Variants in INPP4B observed in about 807,000 individuals in gnomAD.
INPP4B encodes the protein inositol polyphosphate 4-phosphatase type II.
In INPP4B, 55 loss-of-function variants were observed where a neutral mutation model predicts 122.5. The ratio of observed to expected loss-of-function variants is 0.45; its 90% CI spans 0.36 to 0.56. The LOEUF is 0.56. Ranked by LOEUF, INPP4B falls within the 20% of genes least tolerant of loss-of-function variation. The pLI is 0.00. For synonymous variants in INPP4B, 403 were observed against 388.7 expected, an observed-to-expected ratio of 1.04 and a Z score of -0.43; for missense variants, 1,000 against 1,097.7, an observed-to-expected ratio of 0.91 and a Z score of 1.26.
chr4:142,391,838 T>C (rs145915603), intron 7 of INPP4B, among the ~76,000 whole-genome samples: 30 of 152,334 alleles, frequency 2.0e-4, no homozygotes, highest in Non-Finnish European at 3.8e-4. Context: ...TTCAGGTACA[T>C]TTGGTTGCCT....
chr4:142,245,819 T>C (rs1044778859), intron 11 of INPP4B, among the ~76,000 whole-genome samples: 1 of 127,754 alleles, frequency 7.8e-6, no homozygotes, highest in African/African-American at 3.0e-5. Context: ...TATGTATACA[T>C]ATATGTGTAT....
chr4:142,758,998 A>G (rs1770910909), intron 1 of INPP4B, among the ~76,000 whole-genome samples: 1 of 152,014 alleles, frequency 6.6e-6, no homozygotes, highest in Non-Finnish European at 1.5e-5. Flanking sequence ...TTCACTGTGT[A>G]GATAACAACT....
At chr4:142,575,688 A>G (rs1003461962) in intron 2 of INPP4B, among the ~76,000 whole-genome samples, 5 of 152,044 alleles carry the variant, frequency 3.3e-5, no homozygotes, top group African/African-American at 1.2e-4. Context: ...CTCAATAAAT[A>G]TTACTATTAT....
intron 7 of INPP4B, among the ~76,000 whole-genome samples, chr4:142,353,526 G>A (rs1460275140): frequency 1.3e-5 from 2 of 151,936 alleles, no homozygotes; most frequent in African/African-American, 4.8e-5. Context: ...TTCCATAGGT[G>A]GCAATCAGAC....
chr4:142,024,251 A>AGAT lies in INPP4B; in HGVS notation c.*4528_*4530dup, dbSNP rs1359991330. The AGAT allele has an allele frequency of 6.6e-6, 1 of 152,174 alleles. No individual in the cohort carries two copies. Among genetic ancestry groups the AGAT allele is most frequent in the Non-Finnish European group, 1.5e-5 (1 of 68,032 alleles). The allele number at this position is 152,174 out of a possible 1,614,324, so 9.4% of individuals were successfully genotyped here. ...AAATTAAAACTGCCAAAGCAACAAA[A>AGAT]GATATAATATATTGGGACTTTATAA... On this transcript the variant is annotated 3_prime_UTR_variant, in exon 26 of 26. Transcript: ENST00000262992.
intron 25 of INPP4B, among the ~76,000 whole-genome samples, chr4:142,060,430 G>A (rs1051100067): frequency 2.6e-5 from 4 of 152,046 alleles, no homozygotes; most frequent in Non-Finnish European, 5.9e-5. Context: ...ATACCACAAA[G>A]GACTACAGTT....
intron 12 of INPP4B, among the ~76,000 whole-genome samples, chr4:142,226,862 C>G (rs1851818383): frequency 6.6e-6 from 1 of 152,178 alleles, no homozygotes; most frequent in Non-Finnish European, 1.5e-5. Flanking sequence ...ACATGTTCTA[C>G]ACTCCTACAC....
In INPP4B at chr4:142,444,118, CATA is replaced by C. The variant is rs533962299; in HGVS notation, c.-126-12736_-126-12734del. On this transcript the variant is annotated intron_variant, in intron 3 of 25. Coordinates refer to ENST00000262992, the MANE Select transcript of INPP4B (RefSeq NM_001101669.3). The stretch of plus-strand genomic sequence containing the variant: ...CAAAATACTAGAAATGTAAATAAAA[CATA>C]ATAACAGAGATGCAGAATGCCTTTG... 5.3e-4 allele frequency among the ~76,000 whole-genome samples: 80 copies of C among 152,188 alleles called. 1 individual carries two copies. The East Asian group carries it at 0.015, about 28-fold the overall frequency.
chr4:142,735,990 C>T (rs28446801), intron 1 of INPP4B, among the ~76,000 whole-genome samples: 1 of 149,506 alleles, frequency 6.7e-6, no homozygotes, highest in Non-Finnish European at 1.5e-5. Flanking sequence ...CTCTGAATTG[C>T]ATTTTAGGTA....
rs1248821645 is a variant in INPP4B at position 142,024,211 on chromosome 4, T to C, written c.*4571A>G. The C allele has an allele frequency of 6.6e-6, 1 of 152,184 alleles. No individual in the cohort carries two copies. The highest frequency in any genetic ancestry group is 1.5e-5 in the Non-Finnish European group (1 of 68,024). 9.4% of individuals were successfully genotyped at this position (152,184 alleles called of 1,614,324 possible). On this transcript the variant is annotated 3_prime_UTR_variant, in exon 26 of 26. Transcript: ENST00000262992. Reference sequence around the variant, plus strand: ...GTTTTTGCTATAGGTGGCATCTCTGTGAACGCAGAGCTCTAAATTAAAACT... The same window carrying C: ...GTTTTTGCTATAGGTGGCATCTCTGCGAACGCAGAGCTCTAAATTAAAACT...
intron 1 of INPP4B, among the ~76,000 whole-genome samples, chr4:142,764,069 G>A (rs1466648802): frequency 6.6e-6 from 1 of 152,036 alleles, no homozygotes; most frequent in Non-Finnish European, 1.5e-5. Context: ...ATTTATGAGA[G>A]CGTAAATTTT....
At chr4:142,158,416 G>A (rs940387339) in intron 17 of INPP4B, among the ~76,000 whole-genome samples, 2 of 152,074 alleles carry the variant, frequency 1.3e-5, no homozygotes, top group South Asian at 4.1e-4. Context: ...TCCCCAGCAT[G>A]TGGCACAGTG....
intron 2 of INPP4B, among the ~76,000 whole-genome samples, chr4:142,652,597 G>C (rs1753226695): frequency 1.3e-5 from 2 of 152,124 alleles, no homozygotes; most frequent in Admixed American, 6.5e-5. Flanking sequence ...AATCATGAGT[G>C]AACTCCCATT....
Position 142,412,158 on chromosome 4 carries a change from A to G in INPP4B, c.137-6834T>C, listed in dbSNP as rs567761315. Among the ~76,000 whole-genome samples, 14 of 152,242 alleles carry G rather than the reference A, an allele frequency of 9.2e-5. No homozygotes were observed. The South Asian group carries it at 2.3e-3, about 25-fold the overall frequency. On this transcript the variant is annotated intron_variant, in intron 5 of 25. Coordinates refer to ENST00000262992, the MANE Select transcript of INPP4B (RefSeq NM_001101669.3). ...CAATTTAGGTTATGTTTCCAGTCCAATAAATTATTGGACTCCATTATATGG... is the reference window on the plus strand; with the variant it reads ...CAATTTAGGTTATGTTTCCAGTCCAGTAAATTATTGGACTCCATTATATGG...
chr4:142,252,227 C>T (rs560232821), intron 11 of INPP4B, among the ~76,000 whole-genome samples: 30 of 142,758 alleles, frequency 2.1e-4, no homozygotes, highest in Admixed American at 3.6e-4. Flanking sequence ...CTCGCTCTGT[C>T]GCCCAGGCTG....
intron 2 of INPP4B, among the ~76,000 whole-genome samples, chr4:142,724,873 ATTTAT>A (rs1765139953): frequency 6.6e-6 from 1 of 152,082 alleles, no homozygotes; most frequent in Non-Finnish European, 1.5e-5. Context: ...TTCAGTACTC[ATTTAT>A]TTTTAGAAAT....
At chr4:142,309,802 A>G (rs1764786561) in intron 8 of INPP4B, among the ~76,000 whole-genome samples, 2 of 152,338 alleles carry the variant, frequency 1.3e-5, no homozygotes, top group Non-Finnish European at 1.5e-5. Context: ...TGTTTGCTGC[A>G]TGATTTCCAT....
intron 3 of INPP4B, among the ~76,000 whole-genome samples, chr4:142,459,910 G>A (rs1816351344): frequency 6.6e-6 from 1 of 152,034 alleles, no homozygotes; most frequent in Non-Finnish European, 1.5e-5. Context: ...ACATCTACAA[G>A]AAAAAAATAC....
intron 25 of INPP4B, among the ~76,000 whole-genome samples, chr4:142,045,880 G>C (rs111676942): frequency 1.3e-5 from 2 of 152,050 alleles, no homozygotes; most frequent in Non-Finnish European, 2.9e-5. Context: ...AAGGCAGACC[G>C]TAAGCAAACA....
Sources: allele counts gnomAD v4.1 joint callset (sites outside exome capture counted in the v4.1 genomes callset), GRCh38; gene constraint gnomAD v4.1.1; transcripts MANE v1.5; gene names NCBI Gene and HGNC (gene_info 2026-07-23, HGNC 2026-07-21).